The following MNAT1 variants were observed in gnomAD, a reference collection of about 807,000 sequenced individuals.
MNAT1 encodes the protein MNAT1 component of CDK activating kinase.
A neutral mutation model predicts 42.0 loss-of-function variants in MNAT1; 43 were observed. The observed-to-expected ratio is 1.02, with a 90% CI of 0.80 to 1.32. The LOEUF (loss-of-function observed/expected upper bound fraction) is 1.32, where lower values mean the gene tolerates loss of function less well. Ranked by LOEUF, MNAT1 falls within the 40% of genes most tolerant of loss-of-function variation. MNAT1 has a pLI of 0.00. For missense variants in MNAT1, 306 were observed against 350.4 expected, an observed-to-expected ratio of 0.87 and a Z score of 1.01; for synonymous variants, 118 against 120.0, an observed-to-expected ratio of 0.98 and a Z score of 0.11.
intron 6 of MNAT1, among the ~76,000 whole-genome samples, chr14:60,845,135 T>C (rs2033651089): frequency 6.6e-6 from 1 of 152,000 alleles, no homozygotes. Flanking sequence ...GTTAGCGTCA[T>C]TGGCTTCACT....
At chr14:60,838,985 C>T (rs1040192314) in intron 6 of MNAT1, among the ~76,000 whole-genome samples, 3 of 151,980 alleles carry the variant, frequency 2.0e-5, no homozygotes, top group Non-Finnish European at 2.9e-5. Context: ...AGAGGGAGGC[C>T]GATGGGTCCC....
At chr14:60,857,201 C>CAGAT (rs775488836) in intron 6 of MNAT1, among the ~76,000 whole-genome samples, 21 of 152,198 alleles carry the variant, frequency 1.4e-4, no homozygotes, top group Non-Finnish European at 2.6e-4. Context: ...AGAGCTCTGA[C>CAGAT]AGATGTACGA....
intron 1 of MNAT1, among the ~76,000 whole-genome samples, chr14:60,782,218 A>G (rs1489114127): frequency 1.3e-5 from 2 of 152,104 alleles, no homozygotes; most frequent in African/African-American, 2.4e-5. Context: ...ACGTGATACA[A>G]TTTGAAGACA....
rs556400281 is a variant in MNAT1, at chr14:60,822,915, C to A, written c.687+4068C>A. On this transcript the variant is annotated intron_variant, in intron 6 of 7. Coordinates refer to ENST00000261245, the MANE Select transcript of MNAT1 (RefSeq NM_002431.4). ...GGGACTACAGGTGTGTGCCACCACA[C>A]CCGGCTATTTTTTGTAATTTTGGTA... Among the ~76,000 whole-genome samples the A allele has an allele frequency of 2.6e-5, 4 of 152,192 alleles. No individual in the cohort carries two copies. The East Asian group carries it at 7.7e-4, about 29-fold the overall frequency.
chr14:60,823,381 C>T (rs969321504), intron 6 of MNAT1, among the ~76,000 whole-genome samples: 5 of 152,108 alleles, frequency 3.3e-5, no homozygotes, highest in Admixed American at 2.0e-4. Flanking sequence ...GTATCTTACC[C>T]TGAGTTTGTT....
At chr14:60,745,441 C>A (rs1238734839) in intron 1 of MNAT1, among the ~76,000 whole-genome samples, 1 of 152,098 alleles carries the variant, frequency 6.6e-6, no homozygotes, top group Admixed American at 6.6e-5. Context: ...TTGTTTGAGA[C>A]AGTCTCGCTC....
At chr14:60,839,520 G>A (rs774405436) in intron 6 of MNAT1, among the ~76,000 whole-genome samples, 18 of 152,142 alleles carry the variant, frequency 1.2e-4, no homozygotes, top group Non-Finnish European at 2.2e-4. Context: ...GGTGAATGGC[G>A]GGACTGAAAG....
intron 1 of MNAT1, among the ~76,000 whole-genome samples, chr14:60,787,335 G>A (rs2031682245): frequency 6.6e-6 from 1 of 152,164 alleles, no homozygotes; most frequent in African/African-American, 2.4e-5. Context: ...CTAAAAAACA[G>A]TGTGCATACC....
intron 1 of MNAT1, among the ~76,000 whole-genome samples, chr14:60,792,950 A>G (rs2031874447): frequency 6.6e-6 from 1 of 152,066 alleles, no homozygotes; most frequent in Non-Finnish European, 1.5e-5. Flanking sequence ...TTGCCCATAT[A>G]CTGCTGTTTT....
chr14:60,959,731 C>T (rs549234817), intron 7 of MNAT1, among the ~76,000 whole-genome samples: 6 of 152,234 alleles, frequency 3.9e-5, no homozygotes, highest in African/African-American at 4.8e-5. Flanking sequence ...TCATGGGTAG[C>T]GTCCAATTAT....
intron 1 of MNAT1, chr14:60,779,938 G>A (rs2031395773): frequency 2.3e-6 from 3 of 1,315,574 alleles, no homozygotes; most frequent in Non-Finnish European, 3.3e-6. Flanking sequence ...TAGTGAAAGC[G>A]CGTGCCTTTG....
intron 7 of MNAT1, among the ~76,000 whole-genome samples, chr14:60,961,204 C>T (rs1044087362): frequency 2.6e-5 from 4 of 152,170 alleles, no homozygotes; most frequent in East Asian, 1.9e-4. Context: ...TCAGATGATC[C>T]GCCCACCTCG....
chr14:60,914,102 G>A (rs571190411), intron 7 of MNAT1, among the ~76,000 whole-genome samples: 3 of 152,332 alleles, frequency 2.0e-5, no homozygotes, highest in Admixed American at 2.0e-4. Flanking sequence ...GCTAGGCTCT[G>A]TGGGCGTAGG....
chr14:60,768,331 A>G (rs531632009), intron 1 of MNAT1, among the ~76,000 whole-genome samples: 11 of 152,332 alleles, frequency 7.2e-5, no homozygotes, highest in African/African-American at 2.4e-4. Context: ...CTTCAATAGT[A>G]TTTGCAATTT....
At chr14:60,859,646 GAA>G (rs1566798812) in intron 6 of MNAT1, among the ~76,000 whole-genome samples, 1 of 152,064 alleles carries the variant, frequency 6.6e-6, no homozygotes, top group Admixed American at 6.6e-5. Context: ...TTTTGTTCAA[GAA>G]AAAAAGTTTC....
intron 1 of MNAT1, among the ~76,000 whole-genome samples, chr14:60,736,554 T>A (rs1266876809): frequency 6.6e-6 from 1 of 152,248 alleles, no homozygotes; most frequent in Non-Finnish European, 1.5e-5. Flanking sequence ...GTGGTTAATT[T>A]GCTAACCTGT....
chr14:60,841,135 TTC>T (rs573207731), intron 6 of MNAT1, among the ~76,000 whole-genome samples: 1 of 151,080 alleles, frequency 6.6e-6, no homozygotes, highest in Non-Finnish European at 1.5e-5. Flanking sequence ...CTCTCTCTCT[TTC>T]TCTCTCTCCC....
At chr14:60,822,384 G>A (rs2032916215) in intron 6 of MNAT1, among the ~76,000 whole-genome samples, 1 of 152,134 alleles carries the variant, frequency 6.6e-6, no homozygotes, top group African/African-American at 2.4e-5. Context: ...TATATCCATT[G>A]TGGCAAAGTT....
In MNAT1 at chr14:60,969,650, T is replaced by C. The variant is rs900070406; in HGVS notation, c.*1301T>C. The C allele has an allele frequency of 2.0e-5, 3 of 152,148 alleles. No homozygotes were observed. Among genetic ancestry groups the C allele is most frequent in the South Asian group, 2.1e-4 (1 of 4,832 alleles). 9.4% of individuals were successfully genotyped at this position (152,148 alleles called of 1,614,324 possible). ...TCTACCAGACTGCATATCCTATTCC[T>C]GTATCTATTAGGTATTCCCGAACTG... On this transcript the variant is annotated 3_prime_UTR_variant, in exon 8 of 8. Coordinates refer to ENST00000261245, the MANE Select transcript of MNAT1 (RefSeq NM_002431.4).
Sources: gnomAD v4.1 joint callset for allele counts (sites outside exome capture counted in the v4.1 genomes callset) on GRCh38, gnomAD v4.1.1 for gene constraint, MANE v1.5 for transcripts, NCBI Gene and HGNC (gene_info 2026-07-23, HGNC 2026-07-21) for gene names.